The following ZMYM5 variants were observed in gnomAD, a reference collection of about 807,000 sequenced individuals.
ZMYM5 encodes zinc finger MYM-type containing 5.
In ZMYM5, 41 loss-of-function variants were observed where a neutral mutation model predicts 61.8. The ratio of observed to expected loss-of-function variants is 0.66; its 90% CI spans 0.52 to 0.86. The LOEUF (loss-of-function observed/expected upper bound fraction) is 0.86, where lower values mean the gene tolerates loss of function less well. Ranked by LOEUF, ZMYM5 falls within the 40% of genes least tolerant of loss-of-function variation. The pLI is 0.00. For missense variants in ZMYM5, 706 were observed against 786.7 expected (o/e 0.90, Z 1.23); for synonymous variants, 257 against 276.4 (o/e 0.93, Z 0.70).
At chr13:19,857,609 C>T (rs1025762709) in intron 2 of ZMYM5, among the ~76,000 whole-genome samples, 4 of 152,092 alleles carry the variant, frequency 2.6e-5, no homozygotes, top group African/African-American at 4.8e-5. Context: ...CTAAATTGGG[C>T]CTGGTGCCTC....
chr13:19,850,672 G>A (rs190924137), intron 4 of ZMYM5, among the ~76,000 whole-genome samples: 5 of 151,908 alleles, frequency 3.3e-5, no homozygotes, highest in East Asian at 1.9e-4. Context: ...AAAAGCTTAA[G>A]CAAAAATTGA....
chr13:19,847,896 G>A (rs1181159170), intron 4 of ZMYM5, among the ~76,000 whole-genome samples: 6 of 142,626 alleles, frequency 4.2e-5, no homozygotes, highest in African/African-American at 1.3e-4. Flanking sequence ...CTCGTGATCC[G>A]CCCACCTCGG....
In ZMYM5 at chr13:19,829,121, CA is replaced by C. The variant is rs1318316967; in HGVS notation, c.1252-3887del. Among the ~76,000 whole-genome samples, 8 of 151,508 alleles carry C rather than the reference CA, an allele frequency of 5.3e-5. No homozygotes were observed. The East Asian group carries it at 5.8e-4, about 11-fold the overall frequency. On this transcript the variant is annotated intron_variant, in intron 7 of 7. Coordinates refer to ENST00000337963, the MANE Select transcript of ZMYM5 (RefSeq NM_001142684.2). The stretch of plus-strand genomic sequence containing the variant: ...CCTGTCTCCAACAAACAAAACAAAA[CA>C]AAAAAAACCAGATACATTTAGTATA...
Position 19,832,574 on chromosome 13 carries a change from G to A in ZMYM5, c.1251+2903C>T, listed in dbSNP as rs186567593. 2.3e-3 allele frequency among the ~76,000 whole-genome samples: 354 copies of A among 152,050 alleles called. 4 individuals carry two copies. Among genetic ancestry groups the A allele is most frequent in the African/African-American group, 7.7e-3 (320 of 41,460 alleles). Reference sequence around the variant, plus strand: ...ACTCCTGAACTCAAGTGATCCGCCCGCCTTGGCCTCCCAATGTCATGGATT... The same window carrying A: ...ACTCCTGAACTCAAGTGATCCGCCCACCTTGGCCTCCCAATGTCATGGATT... On this transcript the variant is annotated intron_variant, in intron 7 of 7. Transcript: ENST00000337963.
In ZMYM5 at chr13:19,860,984, C is replaced by CT. The variant is rs1214406837; in HGVS notation, c.-11+1414dup. ...TGTGTCTCAAACCTTATGGACCAGG[C>CT]TTTTTTTTTTTTCTTAAGACAGGGT... On this transcript the variant is annotated intron_variant, in intron 2 of 7. Coordinates refer to ENST00000337963, the MANE Select transcript of ZMYM5 (RefSeq NM_001142684.2). Among the ~76,000 whole-genome samples the CT allele has an allele frequency of 4.0e-3, 550 of 137,084 alleles. 2 individuals carry two copies. Among genetic ancestry groups the CT allele is most frequent in the Non-Finnish European group, 5.3e-3 (334 of 63,428 alleles). 89.9% of individuals were successfully genotyped at this position (137,084 alleles called of 152,430 possible).
intron 4 of ZMYM5, among the ~76,000 whole-genome samples, chr13:19,849,976 C>CAA (rs566519438): frequency 7.8e-6 from 1 of 128,352 alleles, no homozygotes; most frequent in Non-Finnish European, 1.7e-5. Flanking sequence ...GACTCTGTCT[C>CAA]AAAAAAAAAA....
At chr13:19,855,551 C>A (rs61950610) in intron 2 of ZMYM5, among the ~76,000 whole-genome samples, 1 of 151,630 alleles carries the variant, frequency 6.6e-6, no homozygotes, top group Admixed American at 6.6e-5. Flanking sequence ...CATGAGCCAC[C>A]GCGCCCGGCC....
At chr13:19,845,362 A>G (rs1039522673) in intron 4 of ZMYM5, among the ~76,000 whole-genome samples, 2 of 152,206 alleles carry the variant, frequency 1.3e-5, no homozygotes, top group African/African-American at 4.8e-5. Context: ...TAATGATGGA[A>G]ATGCAAAACC....
At chr13:19,853,925 TG>T (rs1953412446) in intron 2 of ZMYM5, among the ~76,000 whole-genome samples, 1 of 151,496 alleles carries the variant, frequency 6.6e-6, no homozygotes, top group East Asian at 1.9e-4. Context: ...GTGAAAGGGG[TG>T]GGAATTTTAC....
At chr13:19,855,876 C>G (rs955753769) in intron 2 of ZMYM5, among the ~76,000 whole-genome samples, 2 of 151,680 alleles carry the variant, frequency 1.3e-5, no homozygotes, top group African/African-American at 4.8e-5. Flanking sequence ...ATTAGCCGGG[C>G]ATGGTGGCAG....
chr13:19,845,759 A>G (rs1953053560), intron 4 of ZMYM5, among the ~76,000 whole-genome samples: 1 of 152,204 alleles, frequency 6.6e-6, no homozygotes, highest in East Asian at 1.9e-4. Context: ...GAGGGTCCCA[A>G]ATGCAGAATT....
chr13:19,854,723 A>G (rs1396005585), intron 2 of ZMYM5, among the ~76,000 whole-genome samples: 1 of 151,862 alleles, frequency 6.6e-6, no homozygotes, highest in Non-Finnish European at 1.5e-5. Context: ...TATTATATAT[A>G]TTAACTCAGT....
intron 7 of ZMYM5, among the ~76,000 whole-genome samples, chr13:19,831,537 C>T (rs1891214136): frequency 6.6e-6 from 1 of 151,850 alleles, no homozygotes; most frequent in Admixed American, 6.6e-5. Context: ...TAGCTCACAC[C>T]TGTATTCCCA....
intron 2 of ZMYM5, among the ~76,000 whole-genome samples, chr13:19,860,270 C>T (rs1953684858): frequency 6.7e-6 from 1 of 150,246 alleles, no homozygotes; most frequent in Admixed American, 6.6e-5. Context: ...GAATGACAGG[C>T]ACCCACCAGC....
At chr13:19,831,855 T>C (rs1891242019) in intron 7 of ZMYM5, among the ~76,000 whole-genome samples, 2 of 139,950 alleles carry the variant, frequency 1.4e-5, no homozygotes, top group South Asian at 4.7e-4. Context: ...TGACTATGCA[T>C]ATTTCTTCTT....
At chr13:19,837,070 C>G (rs1406579113) in intron 6 of ZMYM5, among the ~76,000 whole-genome samples, 1 of 149,128 alleles carries the variant, frequency 6.7e-6, no homozygotes, top group Non-Finnish European at 1.5e-5. Context: ...CTTGCTCTAT[C>G]ACCCAGGCTG....
rs1952773408 is a variant in ZMYM5, at chr13:19,839,102, G to C, written c.587-117C>G. Reference sequence around the variant, plus strand: ...AGTGGGGCAGGCGTATAAACATGTGGTTAAGGCCAAACACTCTTGATGCAC... The same window carrying C: ...AGTGGGGCAGGCGTATAAACATGTGCTTAAGGCCAAACACTCTTGATGCAC... On this transcript the variant is annotated intron_variant, in intron 4 of 7. Transcript: ENST00000337963. 9.6e-6 allele frequency: 12 copies of C among 1,249,274 alleles called. No homozygotes were observed. In the South Asian group the frequency reaches 1.5e-4, roughly 16 times the overall value. 77.4% of individuals were successfully genotyped at this position (1,249,274 alleles called of 1,614,324 possible).
At chr13:19,856,012 C>T (rs1364125584) in intron 2 of ZMYM5, among the ~76,000 whole-genome samples, 3 of 150,426 alleles carry the variant, frequency 2.0e-5, no homozygotes, top group Non-Finnish European at 3.0e-5. Flanking sequence ...AGCGAGATTC[C>T]ATCTCAAAAA....
intron 2 of ZMYM5, among the ~76,000 whole-genome samples, chr13:19,860,838 C>G (rs1219462907): frequency 7.0e-6 from 1 of 143,616 alleles, no homozygotes; most frequent in African/African-American, 2.6e-5. Context: ...AGAAAAATCT[C>G]AAGAAATAAA....
Sources: gnomAD v4.1 joint callset for allele counts (sites outside exome capture counted in the v4.1 genomes callset) on GRCh38, gnomAD v4.1.1 for gene constraint, MANE v1.5 for transcripts, NCBI Gene and HGNC (gene_info 2026-07-23, HGNC 2026-07-21) for gene names.